The following SNTG1 variants were observed in gnomAD, a reference collection of about 807,000 sequenced individuals.
SNTG1 encodes syntrophin gamma 1.
Under a neutral mutation model 74.7 loss-of-function variants are expected in SNTG1, and 39 were observed. That is an observed-to-expected ratio of 0.52 (90% CI 0.40 to 0.68). SNTG1 has a LOEUF of 0.68. Ranked by LOEUF, SNTG1 falls within the 30% of genes least tolerant of loss-of-function variation. SNTG1 has a pLI of 0.00. For synonymous variants in SNTG1, 254 were observed against 217.1 expected (o/e 1.17, Z -1.49); for missense variants, 685 against 609.5 (o/e 1.12, Z -1.30).
intron 18 of SNTG1, among the ~76,000 whole-genome samples, chr8:50,791,769 C>T (rs972053960): frequency 6.6e-6 from 1 of 151,596 alleles, no homozygotes. Flanking sequence ...ATAAGTTCAT[C>T]GTATTGATTT....
intron 5 of SNTG1, among the ~76,000 whole-genome samples, chr8:50,447,742 G>T (rs894150333): frequency 3.9e-5 from 6 of 152,132 alleles, no homozygotes; most frequent in African/African-American, 1.4e-4. Context: ...GAAGAAGAAA[G>T]AAAACAATAA....
At chr8:50,666,464 C>G (rs1346127769) in intron 15 of SNTG1, among the ~76,000 whole-genome samples, 1 of 152,070 alleles carries the variant, frequency 6.6e-6, no homozygotes, top group Non-Finnish European at 1.5e-5. Context: ...AAGGTACACA[C>G]ACACTGAAGT....
At chr8:50,552,303 T>C (rs562591359) in intron 11 of SNTG1, among the ~76,000 whole-genome samples, 2 of 152,338 alleles carry the variant, frequency 1.3e-5, no homozygotes, top group South Asian at 2.1e-4. Flanking sequence ...TATGAAACAC[T>C]TTTAAATTCA....
chr8:50,756,240 G>C (rs965493044), intron 18 of SNTG1, among the ~76,000 whole-genome samples: 3 of 151,804 alleles, frequency 2.0e-5, no homozygotes, highest in Non-Finnish European at 2.9e-5. Flanking sequence ...TCATAGAGCA[G>C]AAAATTTTAA....
chr8:50,011,344 C>G (rs1232772048), intron 1 of SNTG1, among the ~76,000 whole-genome samples: 1 of 152,142 alleles, frequency 6.6e-6, no homozygotes, highest in Admixed American at 6.6e-5. Context: ...TTTGTAAGAG[C>G]TAGACACTTA....
chr8:50,499,951 A>T (rs1302370178), intron 8 of SNTG1, among the ~76,000 whole-genome samples: 1 of 151,996 alleles, frequency 6.6e-6, no homozygotes, highest in East Asian at 1.9e-4. Flanking sequence ...TAAGTCCTTT[A>T]TCTGGCTCCT....
At chr8:50,672,447 T>C (rs1412296953) in intron 15 of SNTG1, among the ~76,000 whole-genome samples, 11 of 151,884 alleles carry the variant, frequency 7.2e-5, no homozygotes, top group Non-Finnish European at 1.5e-4. Context: ...ATCTTGAGTA[T>C]TTTTTTTCAC....
chr8:50,570,591 G>GTTGTTGTTGTTATTATTATTA (rs137977278), intron 12 of SNTG1, among the ~76,000 whole-genome samples: 11 of 130,162 alleles, frequency 8.5e-5, no homozygotes, highest in African/African-American at 2.3e-4. Context: ...TATTATTGTT[G>GTTGTTGTTGTTATTATTATTA]TTATTATTAT....
chr8:49,975,267 A>T (rs1045689890), intron 1 of SNTG1, among the ~76,000 whole-genome samples: 2 of 152,206 alleles, frequency 1.3e-5, no homozygotes, highest in Non-Finnish European at 2.9e-5. Flanking sequence ...AATATTCAAG[A>T]GATTTTTTCA....
intron 12 of SNTG1, among the ~76,000 whole-genome samples, chr8:50,554,607 C>A (rs573936974): frequency 5.9e-5 from 9 of 151,962 alleles, no homozygotes; most frequent in Admixed American, 5.2e-4. Flanking sequence ...CACTCCCAAC[C>A]CACCCTTGCT....
chr8:50,122,870 G>C (rs745833367), intron 1 of SNTG1, among the ~76,000 whole-genome samples: 6 of 142,236 alleles, frequency 4.2e-5, no homozygotes, highest in Non-Finnish European at 9.4e-5. Flanking sequence ...AACCAATAGA[G>C]AGAAAAACCT....
chr8:49,965,770 C>A (rs1252274403), intron 1 of SNTG1, among the ~76,000 whole-genome samples: 2 of 152,168 alleles, frequency 1.3e-5, no homozygotes, highest in Non-Finnish European at 2.9e-5. Context: ...AACCAAATGG[C>A]ATATTACAAA....
rs545016441 is a variant in SNTG1 at position 50,792,966 on chromosome 8, G to C, written c.*137G>C. On this transcript the variant is annotated 3_prime_UTR_variant, in exon 19 of 19. Coordinates refer to ENST00000642720, the MANE Select transcript of SNTG1 (RefSeq NM_018967.5). ...ATCAAAATTTCGGCAGAAAAAGAAG[G>C]TCATGTGGAACCTCAAAAACACTTC... is the stretch of plus-strand genomic sequence containing the variant. The C allele has an allele frequency of 5.6e-5, 51 of 911,406 alleles. No homozygotes were observed. In the African/African-American group the frequency reaches 8.1e-4, roughly 14 times the overall value. The allele number at this position is 911,406 out of a possible 1,614,324, so 56.5% of individuals were successfully genotyped here. A position where few individuals can be genotyped will look rare whatever the true frequency, so the allele number is the denominator to read the frequency against.
chr8:50,385,778 C>A (rs527506937), intron 2 of SNTG1, among the ~76,000 whole-genome samples: 31 of 152,256 alleles, frequency 2.0e-4, no homozygotes, highest in African/African-American at 7.0e-4. Flanking sequence ...ATGCCAGGTA[C>A]CAAGGGATAT....
In SNTG1 at chr8:50,456,884, G is replaced by A. The variant is rs148676999; in HGVS notation, c.363+6155G>A. 224 of 152,302 alleles carry A rather than the reference G, an allele frequency of 1.5e-3. 5 individuals carry two copies. In the East Asian group the frequency reaches 0.039, roughly 27 times the overall value. The allele number at this position is 152,302 out of a possible 1,614,324, so 9.4% of individuals were successfully genotyped here. On this transcript the variant is annotated intron_variant, in intron 8 of 18. Transcript: ENST00000642720. ...GAGAAAGCTGGCAGGGCAGGCATGG[G>A]TGAGCCTGCAATCCCTTCACACATT... is the stretch of plus-strand genomic sequence containing the variant.
chr8:50,571,794 G>A (rs1451928511), intron 12 of SNTG1, among the ~76,000 whole-genome samples: 1 of 152,180 alleles, frequency 6.6e-6, no homozygotes, highest in Non-Finnish European at 1.5e-5. Context: ...GAGTAAAGAG[G>A]TGTAAGTGAA....
intron 8 of SNTG1, among the ~76,000 whole-genome samples, chr8:50,492,262 T>G (rs1418472907): frequency 2.0e-5 from 3 of 152,164 alleles, no homozygotes; most frequent in Non-Finnish European, 4.4e-5. Context: ...GTAATAGGAT[T>G]GGTGGGTTAA....
At chr8:50,268,926 T>C (rs939293669) in intron 2 of SNTG1, among the ~76,000 whole-genome samples, 4 of 152,138 alleles carry the variant, frequency 2.6e-5, no homozygotes, top group Non-Finnish European at 5.9e-5. Context: ...CCTAAAGTGC[T>C]GAGGTTACAG....
At chr8:50,152,312 A>T (rs2082096648) in intron 1 of SNTG1, among the ~76,000 whole-genome samples, 1 of 152,166 alleles carries the variant, frequency 6.6e-6, no homozygotes, top group Admixed American at 6.5e-5. Context: ...TCTGCACATG[A>T]GATGGGTCTC....
Sources: gnomAD v4.1 joint callset for allele counts (sites outside exome capture counted in the v4.1 genomes callset) on GRCh38, gnomAD v4.1.1 for gene constraint, MANE v1.5 for transcripts, NCBI Gene and HGNC (gene_info 2026-07-23, HGNC 2026-07-21) for gene names.